SPG11: variants seen among roughly 807,000 people sequenced by gnomAD.
SPG11 encodes the protein spatacsin.
SPG11 carries 222 observed loss-of-function variants against 274.0 expected under a neutral mutation model. The observed-to-expected ratio is 0.81, with a 90% CI of 0.73 to 0.91. The LOEUF is 0.91. Among genes scored for constraint, SPG11 ranks in the 40% least tolerant of loss-of-function variants. The probability of loss-of-function intolerance (pLI) is 0.00; values close to 1 mark genes in which losing one functional copy is unlikely to be tolerated. For missense variants in SPG11, 3,114 were observed against 2,872.7 expected, an observed-to-expected ratio of 1.08 and a Z score of -1.92; for synonymous variants, 1,144 against 1,039.7, an observed-to-expected ratio of 1.10 and a Z score of -1.93.
rs35504505 is a variant in SPG11, at chr15:44,567,466, C to T, written c.6712G>A (p.Ala2238Thr). Residue 2238 changes from alanine to threonine, a missense_variant, in exon 36 of 40, where the codon GCT becomes ACT. Ala to Thr is a moderately conservative substitution (Grantham distance 58, BLOSUM62 0). Coordinates refer to ENST00000261866, the MANE Select transcript of SPG11 (RefSeq NM_025137.4). ...ATCAATTTCAGTTGGATGCGGGCAG[C>T]TGCCTCGTGGTTCTCGCCAATCTCC... ...CREIGENHEAAARIQLKLIES... is the reference protein window; with the variant it reads ...CREIGENHEATARIQLKLIES... The T allele has an allele frequency of 5.0e-6, 8 of 1,613,944 alleles. No individual in the cohort carries two copies. The highest frequency in any genetic ancestry group is 6.8e-6 in the Non-Finnish European group (8 of 1,180,004).
intron 25 of SPG11, 127 bp from the exon 26 acceptor site, chr15:44,595,586 C>CATT: frequency 9.5e-7 from 1 of 1,053,894 alleles, no homozygotes; most frequent in Non-Finnish European, 1.4e-6. Flanking sequence ...CTTGAAAAGC[C>CATT]TTCAAACATG....
Position 44,636,958 on chromosome 15 carries a change from CA to C in SPG11, c.1603-3322del, listed in dbSNP as rs1328250311. On this transcript the variant is annotated intron_variant, in intron 7 of 39. Transcript: ENST00000261866. ...AAAAAAAAAAAAAAAAAAAAAAAAA[CA>C]AAAAAAAAACACAAATGTGGTAAAA... is the stretch of plus-strand genomic sequence containing the variant. Among the ~76,000 whole-genome samples the C allele has an allele frequency of 4.7e-4, 42 of 89,110 alleles. 1 individual carries two copies. In the South Asian group the frequency reaches 0.013, roughly 28 times the overall value. 58.5% of individuals were successfully genotyped at this position (89,110 alleles called of 152,430 possible).
chr15:44,636,487 C>T (rs985724169), intron 7 of SPG11, among the ~76,000 whole-genome samples: 2 of 151,004 alleles, frequency 1.3e-5, no homozygotes, highest in African/African-American at 4.9e-5. Context: ...TGGTGAAACC[C>T]CGTCTCTACT....
chr15:44,571,569 C>T (rs1317889558), intron 33 of SPG11, among the ~76,000 whole-genome samples: 1 of 149,968 alleles, frequency 6.7e-6, no homozygotes, highest in Non-Finnish European at 1.5e-5. Flanking sequence ...GCCATCTCCA[C>T]TCACTGCGAG....
intron 28 of SPG11, 117 bp from the exon 29 acceptor site, chr15:44,585,967 G>T: frequency 2.7e-6 from 2 of 736,134 alleles, no homozygotes; most frequent in Non-Finnish European, 4.3e-6. Context: ...TGTGGTTAAA[G>T]GAAAAATAAA....
intron 28 of SPG11, among the ~76,000 whole-genome samples, chr15:44,586,499 AGGCGTGT>A (rs1170199455): frequency 6.6e-6 from 1 of 151,900 alleles, no homozygotes; most frequent in African/African-American, 2.4e-5. Flanking sequence ...AAAATTAGCC[AGGCGTGT>A]GGTGGCACAC....
chr15:44,619,276 T>G (rs2083674072), intron 15 of SPG11, among the ~76,000 whole-genome samples: 1 of 152,226 alleles, frequency 6.6e-6, no homozygotes, highest in Non-Finnish European at 1.5e-5. Flanking sequence ...AAAATATGTT[T>G]AAGAAACTTA....
At chr15:44,615,264 G>T in intron 16 of SPG11, 99 bp downstream of exon 16, 1 of 1,148,076 alleles carries the variant, frequency 8.7e-7, no homozygotes, top group Non-Finnish European at 1.3e-6. Context: ...TATTCCTCGT[G>T]TGAATGCTTA....
At chr15:44,622,548 T>A in intron 12 of SPG11, 180 bp downstream of exon 12, 1 of 742,702 alleles carries the variant, frequency 1.3e-6, no homozygotes, top group Non-Finnish European at 2.2e-6. Flanking sequence ...GCCACAAATG[T>A]AAAATAGTCA....
chr15:44,564,714 G>A lies in SPG11; in HGVS notation c.7000-16C>T. The stretch of plus-strand genomic sequence containing the variant: ...CAATAGAAGCCTTAAAAGGAGAGGT[G>A]AAGAAGGACACCATCAGAGCCCATC... On this transcript the variant is annotated splice_polypyrimidine_tract_variant and intron_variant, in intron 38 of 39. Transcript: ENST00000261866. The A allele has an allele frequency of 6.2e-7, 1 of 1,614,046 alleles. No homozygotes were observed. Among genetic ancestry groups the A allele is most frequent in the Non-Finnish European group, 8.5e-7 (1 of 1,179,986 alleles).
intron 15 of SPG11, among the ~76,000 whole-genome samples, chr15:44,619,971 C>T (rs564631647): frequency 6.6e-6 from 1 of 152,122 alleles, no homozygotes; most frequent in Admixed American, 6.6e-5. Flanking sequence ...CCGCCTTGGC[C>T]TCCCAAAGTG....
intron 30 of SPG11, among the ~76,000 whole-genome samples, chr15:44,576,877 AGTGCAGTGGCACCATCTCG>A (rs752810016): frequency 2.4e-3 from 363 of 152,098 alleles, no homozygotes; most frequent in Admixed American, 5.3e-3. Context: ...CCCAGGCTAG[AGTGCAGTGGCACCATCTCG>A]GTTCACTGCA....
intron 33 of SPG11, among the ~76,000 whole-genome samples, chr15:44,572,125 A>T (rs558521177): frequency 3.8e-4 from 58 of 152,384 alleles, no homozygotes; most frequent in African/African-American, 1.4e-3. Context: ...ATATATAAGA[A>T]ATCTGTGTAA....
chr15:44,583,740 G>C, intron 30 of SPG11, 74 bp downstream of exon 30: 1 of 1,601,180 alleles, frequency 6.2e-7, no homozygotes, highest in Non-Finnish European at 8.5e-7. Flanking sequence ...TCTGCCACAA[G>C]GGTCCCTTCC....
intron 15 of SPG11, among the ~76,000 whole-genome samples, chr15:44,617,864 C>T (rs1464183573): frequency 2.6e-5 from 4 of 151,868 alleles, no homozygotes; most frequent in Non-Finnish European, 1.5e-5. Context: ...TTAGTAGAGA[C>T]GATGTTTCAT....
chr15:44,650,778 C>T (rs1282533003), intron 6 of SPG11, among the ~76,000 whole-genome samples: 2 of 152,048 alleles, frequency 1.3e-5, no homozygotes, highest in African/African-American at 4.8e-5. Flanking sequence ...GAGACGGAGT[C>T]TCACTGTCTC....
At chr15:44,597,109 TC>T (rs2083064554) in intron 23 of SPG11, 166 bp from the exon 24 acceptor site, 65 of 578,904 alleles carry the variant, frequency 1.1e-4, no homozygotes, top group South Asian at 2.4e-4. Flanking sequence ...AAAAGTAGAT[TC>T]TTTTTTTTTT....
At chr15:44,611,954 C>T (rs147269046) in intron 17 of SPG11, among the ~76,000 whole-genome samples, 4,672 of 151,754 alleles carry the variant, frequency 0.031, 264 homozygotes, top group African/African-American at 0.11. Context: ...TACAGGCACC[C>T]GCCACCAAGC....
At chr15:44,647,776 C>T (rs2084648841) in intron 7 of SPG11, among the ~76,000 whole-genome samples, 1 of 152,128 alleles carries the variant, frequency 6.6e-6, no homozygotes, top group South Asian at 2.1e-4. Context: ...GGAGTGGCCA[C>T]TAATGGTTAT....
Sources: gnomAD v4.1 joint callset for allele counts (sites outside exome capture counted in the v4.1 genomes callset) on GRCh38, gnomAD v4.1.1 for gene constraint, MANE v1.5 for transcripts, NCBI Gene and HGNC (gene_info 2026-07-23, HGNC 2026-07-21) for gene names.